Variants in P3H2 observed in about 807,000 individuals in gnomAD.
P3H2 encodes prolyl 3-hydroxylase 2, also known as leprecan-like 1.
P3H2 carries 80 observed loss-of-function variants against 87.0 expected under a neutral mutation model. That is an observed-to-expected ratio of 0.92 (90% CI 0.77 to 1.11). The LOEUF (loss-of-function observed/expected upper bound fraction) is 1.11. P3H2 is among the 50% of genes least tolerant of loss of function. The pLI, the probability that P3H2 is intolerant of heterozygous loss-of-function variation, is 0.00. For synonymous variants in P3H2, 367 were observed against 359.3 expected, an observed-to-expected ratio of 1.02 and a Z score of -0.24; for missense variants, 1,001 against 923.9, an observed-to-expected ratio of 1.08 and a Z score of -1.08.
At position 190,021,096 on chromosome 3, in the gene P3H2, A is replaced by G. The variant is rs1368969941; in HGVS notation, c.481-25654T>C. Among the ~76,000 whole-genome samples the G allele has an allele frequency of 3.0e-5, 4 of 135,072 alleles. 1 individual carries two copies. Among genetic ancestry groups the G allele is most frequent in the African/African-American group, 1.0e-4 (4 of 39,090 alleles). 88.6% of individuals were successfully genotyped at this position (135,072 alleles called of 152,430 possible). On this transcript the variant is annotated intron_variant, in intron 1 of 14. Transcript: ENST00000319332. ...CTAGAGTCCTCTAGATGTTTATTCT[A>G]AATAATGCCAACTACAGCCATCTGG... is the stretch of plus-strand genomic sequence containing the variant.
intron 1 of P3H2, among the ~76,000 whole-genome samples, chr3:190,025,778 G>A (rs1438874481): frequency 1.3e-5 from 2 of 152,106 alleles, no homozygotes; most frequent in African/African-American, 2.4e-5. Flanking sequence ...ATAAACCTCA[G>A]TCGGGAATCT....
chr3:189,985,051 G>T (rs1435553439), intron 6 of P3H2, among the ~76,000 whole-genome samples: 1 of 151,558 alleles, frequency 6.6e-6, no homozygotes, highest in Non-Finnish European at 1.5e-5. Context: ...AATAAGTAAG[G>T]CCCGATATAA....
intron 1 of P3H2, among the ~76,000 whole-genome samples, chr3:190,098,215 G>GT (rs1727649045): frequency 6.6e-6 from 1 of 152,000 alleles, no homozygotes; most frequent in Admixed American, 6.6e-5. Context: ...TATTGCATAC[G>GT]TGTTCCATAA....
chr3:189,997,311 G>C (rs749276870), intron 1 of P3H2, among the ~76,000 whole-genome samples: 6 of 152,200 alleles, frequency 3.9e-5, no homozygotes, highest in Non-Finnish European at 7.3e-5. Context: ...AATTTCAATA[G>C]AGAGATCCAT....
chr3:190,049,851 C>T (rs3108305), intron 1 of P3H2, among the ~76,000 whole-genome samples: 124,396 of 152,150 alleles, frequency 0.82, 51,036 homozygotes, highest in East Asian at 0.88. Flanking sequence ...TGTTCCACGA[C>T]ATGTGAAAAA....
intron 1 of P3H2, among the ~76,000 whole-genome samples, chr3:190,003,529 A>C (rs1048218087): frequency 4.6e-5 from 7 of 152,096 alleles, no homozygotes; most frequent in Non-Finnish European, 1.0e-4. Flanking sequence ...AGTATTAGCC[A>C]GAAATAAGTG....
intron 10 of P3H2, among the ~76,000 whole-genome samples, chr3:189,973,609 T>G (rs1013000338): frequency 2.1e-5 from 3 of 143,978 alleles, no homozygotes; most frequent in Non-Finnish European, 4.5e-5. Context: ...CCGCAACCTC[T>G]GCCTCCCAGG....
chr3:190,078,902 G>A (rs1478076113), intron 1 of P3H2, among the ~76,000 whole-genome samples: 1 of 152,182 alleles, frequency 6.6e-6, no homozygotes, highest in African/African-American at 2.4e-5. Flanking sequence ...GCTCCCTTGG[G>A]AAGTGCAGGA....
chr3:190,038,648 G>A (rs531270625), intron 1 of P3H2, among the ~76,000 whole-genome samples: 7 of 152,114 alleles, frequency 4.6e-5, no homozygotes, highest in Non-Finnish European at 8.8e-5. Flanking sequence ...TGGTCCCCTA[G>A]GATGCATTAA....
intron 1 of P3H2, among the ~76,000 whole-genome samples, chr3:190,011,451 A>G (rs577739172): frequency 1.3e-5 from 2 of 152,272 alleles, no homozygotes; most frequent in East Asian, 3.9e-4. Flanking sequence ...CTAAAAAATA[A>G]GTTTGATCAA....
In P3H2 at chr3:189,989,053, C is replaced by T. The variant is rs1723796533; in HGVS notation, c.824-15G>A. On this transcript the variant is annotated splice_polypyrimidine_tract_variant and intron_variant, in intron 3 of 14. Coordinates refer to ENST00000319332, the MANE Select transcript of P3H2 (RefSeq NM_018192.4). Reference sequence around the variant, plus strand: ...CATGTAGTGATCTGGAAGACAAGAGCCAATACGTGTGTTCCTCCAGGTTGC... The same window carrying T: ...CATGTAGTGATCTGGAAGACAAGAGTCAATACGTGTGTTCCTCCAGGTTGC... 6.2e-7 allele frequency: 1 copy of T among 1,613,986 alleles called. No individual in the cohort carries two copies. The highest frequency in any genetic ancestry group is 1.1e-5 in the South Asian group (1 of 91,060).
At position 190,099,135 on chromosome 3, in the gene P3H2, T is replaced by C. The variant is rs573154921; in HGVS notation, c.480+21117A>G. Among the ~76,000 whole-genome samples the C allele has an allele frequency of 3.9e-5, 6 of 152,238 alleles. No homozygotes were observed. The South Asian group carries it at 6.2e-4, about 16-fold the overall frequency. On this transcript the variant is annotated intron_variant, in intron 1 of 14. Transcript: ENST00000319332. Reference sequence around the variant, plus strand: ...AAAAGTAATTTAACTAATAAAAACATTTTGTCAAGTTTCACTTCTTGCAGC... The same window carrying C: ...AAAAGTAATTTAACTAATAAAAACACTTTGTCAAGTTTCACTTCTTGCAGC...
chr3:190,027,532 T>G (rs554976464), intron 1 of P3H2, among the ~76,000 whole-genome samples: 2 of 152,046 alleles, frequency 1.3e-5, no homozygotes, highest in African/African-American at 4.8e-5. Context: ...TTAATTAAAC[T>G]ATAAAAGGGC....
intron 13 of P3H2, among the ~76,000 whole-genome samples, chr3:189,966,124 AAAGAAAG>A (rs1722986664): frequency 4.5e-5 from 1 of 22,000 alleles, no homozygotes; most frequent in Non-Finnish European, 8.6e-5. Context: ...AAAGAAAGAA[AAAGAAAG>A]AAAGAAAGAA....
chr3:190,032,715 G>A (rs758577063), intron 1 of P3H2, among the ~76,000 whole-genome samples: 2 of 152,238 alleles, frequency 1.3e-5, no homozygotes, highest in Non-Finnish European at 2.9e-5. Context: ...CTATGACAGA[G>A]TCACTGAGAA....
intron 1 of P3H2, among the ~76,000 whole-genome samples, chr3:190,055,786 T>C (rs1396939169): frequency 2.6e-5 from 4 of 152,166 alleles, no homozygotes; most frequent in African/African-American, 9.7e-5. Context: ...ATATTTTTAG[T>C]GGATAATAAA....
chr3:190,009,335 T>G (rs1204202062), intron 1 of P3H2, among the ~76,000 whole-genome samples: 5 of 152,220 alleles, frequency 3.3e-5, no homozygotes, highest in Non-Finnish European at 5.9e-5. Context: ...CATCTCCATC[T>G]GAGAGAGGAG....
At position 190,027,108 on chromosome 3, in the gene P3H2, C is replaced by T. The variant is rs574909921; in HGVS notation, c.481-31666G>A. Among the ~76,000 whole-genome samples, 256 of 152,262 alleles carry T rather than the reference C, an allele frequency of 1.7e-3. 1 individual carries two copies. Among genetic ancestry groups the T allele is most frequent in the African/African-American group, 5.7e-3 (237 of 41,532 alleles). ...TCATTCTCACTTACATATGACAAAA[C>T]TGAGGCACTGAGAAGTACAACTAAC... On this transcript the variant is annotated intron_variant, in intron 1 of 14. Coordinates refer to ENST00000319332, the MANE Select transcript of P3H2 (RefSeq NM_018192.4).
chr3:190,029,014 T>C (rs1449368322), intron 1 of P3H2, among the ~76,000 whole-genome samples: 2 of 152,192 alleles, frequency 1.3e-5, no homozygotes, highest in East Asian at 3.9e-4. Context: ...CTGAATTTAC[T>C]ACTAATTCAA....
Sources: allele counts gnomAD v4.1 joint callset (sites outside exome capture counted in the v4.1 genomes callset), GRCh38; gene constraint gnomAD v4.1.1; transcripts MANE v1.5; gene names NCBI Gene and HGNC (gene_info 2026-07-23, HGNC 2026-07-21).